PTPRM: variants seen among roughly 807,000 people sequenced by gnomAD.
PTPRM encodes the protein receptor-type tyrosine-protein phosphatase mu.
In PTPRM, 47 loss-of-function variants were observed where a neutral mutation model predicts 186.7. The observed-to-expected ratio is 0.25, with a 90% CI of 0.20 to 0.32. The LOEUF (loss-of-function observed/expected upper bound fraction) is 0.32, where lower values mean the gene tolerates loss of function less well. Among genes scored for constraint, PTPRM ranks in the 10% least tolerant of loss-of-function variants. The pLI is 1.00. For missense variants in PTPRM, 1,494 were observed against 1,865.0 expected (o/e 0.80, Z 3.66); for synonymous variants, 668 against 674.9 (o/e 0.99, Z 0.16).
chr18:7,730,297 A>G (rs527284068), intron 1 of PTPRM, among the ~76,000 whole-genome samples: 2 of 152,292 alleles, frequency 1.3e-5, no homozygotes, highest in Admixed American at 1.3e-4. Flanking sequence ...AATTTGGTGC[A>G]TAAATTGTTG....
chr18:8,371,289 G>A lies in PTPRM; in HGVS notation c.3171+283G>A, dbSNP rs573550912. On this transcript the variant is annotated intron_variant, in intron 24 of 32. Transcript: ENST00000580170. ...TTCCCTGGTTGATATTGTTCTGCCC[G>A]TCTCTCTTTCTTTGTTCACAGAACA... Among the ~76,000 whole-genome samples, 34 of 152,224 alleles carry A rather than the reference G, an allele frequency of 2.2e-4. No homozygotes were observed. In the South Asian group the frequency reaches 5.6e-3, roughly 25 times the overall value.
intron 1 of PTPRM, among the ~76,000 whole-genome samples, chr18:7,641,887 C>G (rs1025685449): frequency 3.9e-5 from 6 of 152,100 alleles, no homozygotes; most frequent in Admixed American, 2.0e-4. Context: ...GATGAGGAAA[C>G]TGAGGCCTGG....
chr18:7,729,707 G>A (rs2040619080), intron 1 of PTPRM, among the ~76,000 whole-genome samples: 2 of 152,000 alleles, frequency 1.3e-5, no homozygotes, highest in Non-Finnish European at 2.9e-5. Context: ...TCATTTCAAA[G>A]CACACAGTTG....
chr18:8,315,915 C>T (rs963231198), intron 21 of PTPRM, among the ~76,000 whole-genome samples: 1 of 152,220 alleles, frequency 6.6e-6, no homozygotes, highest in Non-Finnish European at 1.5e-5. Context: ...GACCCCTGCA[C>T]TATTTTGATA....
At chr18:7,905,565 A>G (rs1186749947) in intron 3 of PTPRM, among the ~76,000 whole-genome samples, 1 of 152,132 alleles carries the variant, frequency 6.6e-6, no homozygotes, top group Non-Finnish European at 1.5e-5. Flanking sequence ...TCTGTCCTGA[A>G]GTGGAGTCTT....
At chr18:8,379,514 A>G (rs1220917144) in intron 28 of PTPRM, among the ~76,000 whole-genome samples, 174 bp downstream of exon 28, 1 of 152,126 alleles carries the variant, frequency 6.6e-6, no homozygotes, top group Non-Finnish European at 1.5e-5. Flanking sequence ...GTCGGGGCTG[A>G]TATCCTTCGT....
At chr18:8,221,728 G>A (rs917456474) in intron 14 of PTPRM, among the ~76,000 whole-genome samples, 1 of 152,192 alleles carries the variant, frequency 6.6e-6, no homozygotes, top group African/African-American at 2.4e-5. Context: ...CAGGTTTTCA[G>A]TCCGCTGATA....
intron 13 of PTPRM, among the ~76,000 whole-genome samples, chr18:8,138,424 G>T (rs577909004): frequency 6.6e-6 from 1 of 152,108 alleles, no homozygotes; most frequent in South Asian, 2.1e-4. Flanking sequence ...GGAACTCCTG[G>T]TTGGCTACCA....
chr18:7,580,789 C>G (rs1426557780), intron 1 of PTPRM, among the ~76,000 whole-genome samples: 2 of 152,164 alleles, frequency 1.3e-5, no homozygotes, highest in African/African-American at 4.8e-5. Context: ...GTCTCCCTCC[C>G]CATACATACA....
chr18:8,318,801 C>A (rs1264864621), intron 21 of PTPRM, among the ~76,000 whole-genome samples: 1 of 152,206 alleles, frequency 6.6e-6, no homozygotes, highest in African/African-American at 2.4e-5. Context: ...TGTGTTAAAC[C>A]CTTGGCATAT....
At chr18:7,842,644 G>A (rs945285281) in intron 2 of PTPRM, among the ~76,000 whole-genome samples, 1 of 151,844 alleles carries the variant, frequency 6.6e-6, no homozygotes, top group Non-Finnish European at 1.5e-5. Flanking sequence ...AAGAGACAGA[G>A]TTTTCCTAAG....
chr18:7,914,970 TC>T (rs2050470453), intron 4 of PTPRM, among the ~76,000 whole-genome samples: 1 of 152,184 alleles, frequency 6.6e-6, no homozygotes, highest in Non-Finnish European at 1.5e-5. Flanking sequence ...TAGGACATAG[TC>T]CTCTTGTTCC....
At chr18:8,393,386 C>T (rs1164560635) in intron 31 of PTPRM, among the ~76,000 whole-genome samples, 1 of 152,216 alleles carries the variant, frequency 6.6e-6, no homozygotes, top group East Asian at 1.9e-4. Context: ...CTACTTTCTA[C>T]TTCTGTGTTC....
At chr18:8,211,333 G>A (rs567554374) in intron 14 of PTPRM, among the ~76,000 whole-genome samples, 12 of 150,852 alleles carry the variant, frequency 8.0e-5, no homozygotes, top group African/African-American at 2.4e-4. Flanking sequence ...GGTGGAAGGT[G>A]GAGAACCTTG....
At chr18:8,263,558 A>G (rs1200360169) in intron 19 of PTPRM, among the ~76,000 whole-genome samples, 2 of 152,216 alleles carry the variant, frequency 1.3e-5, no homozygotes, top group Non-Finnish European at 2.9e-5. Flanking sequence ...ATCTTTTACT[A>G]AAATCTAACT....
chr18:7,781,732 C>A (rs2042863686), intron 2 of PTPRM, among the ~76,000 whole-genome samples: 1 of 152,168 alleles, frequency 6.6e-6, no homozygotes, highest in Admixed American at 6.5e-5. Context: ...GACACATTTC[C>A]TTTATAACCA....
At chr18:7,596,118 C>T (rs1383061348) in intron 1 of PTPRM, among the ~76,000 whole-genome samples, 2 of 152,190 alleles carry the variant, frequency 1.3e-5, no homozygotes, top group Non-Finnish European at 2.9e-5. Context: ...GAAGCTACTA[C>T]ATCTCCACCC....
At chr18:7,648,737 G>A (rs895598618) in intron 1 of PTPRM, among the ~76,000 whole-genome samples, 3 of 152,164 alleles carry the variant, frequency 2.0e-5, no homozygotes, top group Non-Finnish European at 4.4e-5. Context: ...GCAGAGTTTG[G>A]TTCATAAGGT....
intron 31 of PTPRM, among the ~76,000 whole-genome samples, chr18:8,387,639 A>G (rs1598554792): frequency 1.3e-5 from 2 of 152,218 alleles, no homozygotes; most frequent in African/African-American, 4.8e-5. Context: ...AACAAATGCT[A>G]CAACTCAGGG....
Sources: allele counts gnomAD v4.1 joint callset (sites outside exome capture counted in the v4.1 genomes callset), GRCh38; gene constraint gnomAD v4.1.1; transcripts MANE v1.5; gene names NCBI Gene and HGNC (gene_info 2026-07-23, HGNC 2026-07-21).